The following WWOX variants were observed in gnomAD, a reference collection of about 807,000 sequenced individuals.
WWOX encodes WW domain containing oxidoreductase, also known as WW domain-containing oxidoreductase.
WWOX carries 69 observed loss-of-function variants against 46.2 expected under a neutral mutation model. That is an observed-to-expected ratio of 1.49 (90% CI 1.23 to 1.82). The LOEUF (loss-of-function observed/expected upper bound fraction) is 1.82. WWOX is among the 40% of genes most tolerant of loss of function. The pLI is 0.00. For missense variants in WWOX, 919 were observed against 542.6 expected, an observed-to-expected ratio of 1.69 and a Z score of -6.89; for synonymous variants, 359 against 202.6, an observed-to-expected ratio of 1.77 and a Z score of -6.56.
intron 8 of WWOX, among the ~76,000 whole-genome samples, chr16:78,813,077 G>C (rs1267219477): frequency 6.6e-6 from 1 of 150,526 alleles, no homozygotes; most frequent in Non-Finnish European, 1.5e-5. Flanking sequence ...ATACTTGTGA[G>C]ATGTTTTCTT....
At chr16:78,911,140 C>G (rs1287667801) in intron 8 of WWOX, among the ~76,000 whole-genome samples, 2 of 152,006 alleles carry the variant, frequency 1.3e-5, no homozygotes, top group Admixed American at 6.6e-5. Flanking sequence ...GCTTGTCTTC[C>G]TAGGCCCTTG....
chr16:79,026,852 A>G (rs1048083837), intron 8 of WWOX, among the ~76,000 whole-genome samples: 2 of 148,904 alleles, frequency 1.3e-5, no homozygotes, highest in African/African-American at 5.0e-5. Flanking sequence ...GATGGTCTCA[A>G]TCTCCTGACC....
At chr16:78,442,138 A>T (rs2083458402) in intron 8 of WWOX, among the ~76,000 whole-genome samples, 1 of 151,946 alleles carries the variant, frequency 6.6e-6, no homozygotes, top group South Asian at 2.1e-4. Flanking sequence ...CCCTATCTCT[A>T]AAGGAAAAAA....
At chr16:78,453,055 G>A (rs1024482671) in intron 8 of WWOX, among the ~76,000 whole-genome samples, 1 of 149,732 alleles carries the variant, frequency 6.7e-6, no homozygotes, top group Non-Finnish European at 1.5e-5. Flanking sequence ...ATAATTTTTT[G>A]TATTTTTGTG....
chr16:78,724,403 C>T lies in WWOX; in HGVS notation c.1056+291651C>T, dbSNP rs117263345. Among the ~76,000 whole-genome samples, 232 of 152,208 alleles carry T rather than the reference C, an allele frequency of 1.5e-3. 3 individuals are homozygous for T. Among genetic ancestry groups the T allele is most frequent in the East Asian group, 0.011 (58 of 5,172 alleles). ...TTTTTTTCCTTCATTCCTGCTTTTC[C>T]TTGTTCCAGAAGAAGTTAAGGTAAA... On this transcript the variant is annotated intron_variant, in intron 8 of 8. Coordinates refer to ENST00000566780, the MANE Select transcript of WWOX (RefSeq NM_016373.4).
At chr16:78,804,829 A>ACCTTAGGCATTCTGTGAT in intron 8 of WWOX, among the ~76,000 whole-genome samples, 2 of 152,338 alleles carry the variant, frequency 1.3e-5, no homozygotes, top group South Asian at 4.1e-4. Context: ...TCCTGTTTAT[A>ACCTTAGGCATTCTGTGAT]CCTTAGGCAT....
intron 8 of WWOX, among the ~76,000 whole-genome samples, chr16:78,910,094 TGTG>T (rs1255517403): frequency 1.3e-5 from 2 of 151,650 alleles, no homozygotes; most frequent in African/African-American, 2.4e-5. Flanking sequence ...CATGTGTAGA[TGTG>T]GTGATCGTTT....
intron 8 of WWOX, among the ~76,000 whole-genome samples, chr16:79,007,549 A>G (rs111555196): frequency 3.9e-3 from 597 of 152,374 alleles, no homozygotes; most frequent in Non-Finnish European, 6.0e-3. Flanking sequence ...CAAAATATCC[A>G]TAACCGAATC....
rs375480723 is a variant in WWOX at position 78,164,327 on chromosome 16, A to G, written c.516+38A>G. The G allele has an allele frequency of 2.7e-5, 43 of 1,576,306 alleles. No individual in the cohort carries two copies. The South Asian group carries it at 3.5e-4, about 13-fold the overall frequency. Reference sequence around the variant, plus strand: ...CTGTTGTTGTTTTTTTTAATTGTCAAATACACATGCCGGGCTAACCATATG... The same window carrying G: ...CTGTTGTTGTTTTTTTTAATTGTCAGATACACATGCCGGGCTAACCATATG... On this transcript the variant is annotated intron_variant, in intron 5 of 8. Coordinates refer to ENST00000566780, the MANE Select transcript of WWOX (RefSeq NM_016373.4).
At position 78,834,053 on chromosome 16, in the gene WWOX, C is replaced by G. The variant is rs547542028; in HGVS notation, c.1057-377555C>G. 8.5e-5 allele frequency among the ~76,000 whole-genome samples: 13 copies of G among 152,344 alleles called. No homozygotes were observed. In the East Asian group the frequency reaches 1.7e-3, roughly 20 times the overall value. ...GAATGAGTGAAGCCATCAGTCAAAT[C>G]AGAACACTGCTCACACATGCATCCC... On this transcript the variant is annotated intron_variant, in intron 8 of 8. Transcript: ENST00000566780.
intron 8 of WWOX, among the ~76,000 whole-genome samples, chr16:78,561,183 C>T (rs2044426256): frequency 6.6e-6 from 1 of 152,146 alleles, no homozygotes; most frequent in South Asian, 2.1e-4. Flanking sequence ...ACCCACATTC[C>T]TTGACTTTTG....
chr16:79,017,464 A>C (rs1235931993), intron 8 of WWOX: 1 of 124,390 alleles, frequency 8.0e-6, no homozygotes, highest in Non-Finnish European at 1.8e-5. Context: ...AAAAAAAAAG[A>C]AAGAAAGAAA....
intron 8 of WWOX, among the ~76,000 whole-genome samples, chr16:79,211,185 G>T (rs1299961885): frequency 6.6e-6 from 1 of 152,086 alleles, no homozygotes; most frequent in African/African-American, 2.4e-5. Context: ...AAGAGTGGTT[G>T]GTTTGTCAGA....
intron 5 of WWOX, among the ~76,000 whole-genome samples, chr16:78,193,929 G>C (rs1185217287): frequency 6.6e-6 from 1 of 150,752 alleles, no homozygotes; most frequent in Admixed American, 6.6e-5. Context: ...CCAGGCTGGA[G>C]TGCAGTGGCG....
At chr16:78,148,155 T>C (rs1340851488) in intron 4 of WWOX, among the ~76,000 whole-genome samples, 1 of 152,236 alleles carries the variant, frequency 6.6e-6, no homozygotes, top group Admixed American at 6.5e-5. Flanking sequence ...TTGAAGTGGC[T>C]ATAAATTAAT....
intron 8 of WWOX, among the ~76,000 whole-genome samples, chr16:79,024,899 G>C (rs868584467): frequency 1.3e-5 from 2 of 152,220 alleles, no homozygotes; most frequent in Non-Finnish European, 2.9e-5. Context: ...AGAGGAATGG[G>C]AGTCAGGCTG....
intron 8 of WWOX, among the ~76,000 whole-genome samples, chr16:79,195,426 T>A (rs1218483509): frequency 6.6e-6 from 1 of 152,150 alleles, no homozygotes; most frequent in Admixed American, 6.5e-5. Context: ...GGAGTGCGTG[T>A]TGCTTTGGTA....
chr16:78,160,204 G>C (rs770647939), intron 4 of WWOX, among the ~76,000 whole-genome samples: 1 of 151,086 alleles, frequency 6.6e-6, no homozygotes, highest in Non-Finnish European at 1.5e-5. Context: ...TTTTTTTGGA[G>C]CAAGATCTCA....
rs1261381789 is a variant in WWOX at position 78,302,519 on chromosome 16, C to T, written c.517-84341C>T. 5.9e-5 allele frequency among the ~76,000 whole-genome samples: 9 copies of T among 152,048 alleles called. No individual in the cohort carries two copies. In the East Asian group the frequency reaches 1.2e-3, roughly 20 times the overall value. On this transcript the variant is annotated intron_variant, in intron 5 of 8. Transcript: ENST00000566780. Reference sequence around the variant, plus strand: ...TACCTGCAGACATGTTTTGTCTTATCCACACATGATGTAAAAACAAAATAA... The same window carrying T: ...TACCTGCAGACATGTTTTGTCTTATTCACACATGATGTAAAAACAAAATAA...
Sources: allele counts gnomAD v4.1 joint callset (sites outside exome capture counted in the v4.1 genomes callset), GRCh38; gene constraint gnomAD v4.1.1; transcripts MANE v1.5; gene names NCBI Gene and HGNC (gene_info 2026-07-23, HGNC 2026-07-21).